Variants in CAV1 observed in about 807,000 individuals in gnomAD.
The protein encoded by CAV1 is caveolin-1.
In CAV1, 10 loss-of-function variants were observed where a neutral mutation model predicts 16.5. The ratio of observed to expected loss-of-function variants is 0.61; its 90% CI spans 0.37 to 1.03. The LOEUF is 1.03. CAV1 is among the 50% of genes least tolerant of loss of function. The probability of loss-of-function intolerance (pLI) is 0.01; values close to 1 mark genes in which losing one functional copy is unlikely to be tolerated. For synonymous variants in CAV1, 76 were observed against 85.1 expected, an observed-to-expected ratio of 0.89 and a Z score of 0.59; for missense variants, 212 against 232.8, an observed-to-expected ratio of 0.91 and a Z score of 0.58.
intron 2 of CAV1, among the ~76,000 whole-genome samples, chr7:116,548,225 C>T (rs74607231): frequency 0.013 from 1,904 of 152,208 alleles, 107 homozygotes; most frequent in Admixed American, 0.09. Context: ...ACAAGCATCC[C>T]CAGAAATTTC....
At chr7:116,538,750 T>C (rs1259050271) in intron 2 of CAV1, among the ~76,000 whole-genome samples, 1 of 152,182 alleles carries the variant, frequency 6.6e-6, no homozygotes, top group African/African-American at 2.4e-5. Flanking sequence ...TTGGGTGATG[T>C]ATTTAAAAAA....
rs1395649078 is a variant in CAV1, at chr7:116,537,035, C to T, written c.195+10346C>T. 8.2e-5 allele frequency among the ~76,000 whole-genome samples: 12 copies of T among 146,246 alleles called. No homozygotes were observed. In the East Asian group the frequency reaches 2.0e-3, roughly 24 times the overall value. On this transcript the variant is annotated intron_variant, in intron 2 of 2. Transcript: ENST00000341049. Reference sequence around the variant, plus strand: ...AAAAAAAAAAAAAAAAAAAAAAAGCCATTAAAAAGGGAGTCATGTCTCTTG... The same window carrying T: ...AAAAAAAAAAAAAAAAAAAAAAAGCTATTAAAAAGGGAGTCATGTCTCTTG...
At chr7:116,540,201 TCTCATAGA>T (rs1318060693) in intron 2 of CAV1, among the ~76,000 whole-genome samples, 1 of 152,200 alleles carries the variant, frequency 6.6e-6, no homozygotes. Flanking sequence ...AGAAGTGGTT[TCTCATAGA>T]TCTCAGATCT....
Position 116,559,546 on chromosome 7 carries a change from G to A in CAV1, c.*259G>A, listed in dbSNP as rs1276425318. ...TTTATTTGCATGTGGATCAACCATC[G>A]CTTTATTGGCTGAGATATGAACATA... On this transcript the variant is annotated 3_prime_UTR_variant, in exon 3 of 3. Coordinates refer to ENST00000341049, the MANE Select transcript of CAV1 (RefSeq NM_001753.5). The A allele has an allele frequency of 1.4e-5, 8 of 590,218 alleles. No individual in the cohort carries two copies. The highest frequency in any genetic ancestry group is 2.8e-5 in the East Asian group (1 of 35,930). 36.6% of individuals were successfully genotyped at this position (590,218 alleles called of 1,614,324 possible). A position where few individuals can be genotyped will look rare whatever the true frequency, so the allele number is the denominator to read the frequency against.
rs77475860 is a variant in CAV1, at chr7:116,545,375, G to A, written c.196-13571G>A. Among the ~76,000 whole-genome samples the A allele has an allele frequency of 1.9e-3, 283 of 152,308 alleles. 2 individuals carry two copies. Among genetic ancestry groups the A allele is most frequent in the East Asian group, 7.7e-3 (40 of 5,188 alleles). On this transcript the variant is annotated intron_variant, in intron 2 of 2. Coordinates refer to ENST00000341049, the MANE Select transcript of CAV1 (RefSeq NM_001753.5). ...CCCTGTTGTAGAGGTTGGGGACTGC[G>A]TCTTGACAGCCACATTATACAGTGT...
intron 2 of CAV1, among the ~76,000 whole-genome samples, chr7:116,543,620 GT>G (rs1221083678): frequency 6.6e-6 from 1 of 151,946 alleles, no homozygotes; most frequent in Admixed American, 6.6e-5. Flanking sequence ...GTTTTGTTTT[GT>G]TTTTTTGTTT....
At chr7:116,537,815 C>T (rs550642163) in intron 2 of CAV1, among the ~76,000 whole-genome samples, 2 of 152,210 alleles carry the variant, frequency 1.3e-5, no homozygotes, top group African/African-American at 2.4e-5. Context: ...AAACCCCAGG[C>T]TTCAAGGAAT....
At chr7:116,529,327 C>T (rs1057216323) in intron 2 of CAV1, among the ~76,000 whole-genome samples, 3 of 152,198 alleles carry the variant, frequency 2.0e-5, no homozygotes, top group African/African-American at 7.2e-5. Context: ...CCTGTAAAAG[C>T]TGCTCTGTCC....
At chr7:116,541,839 A>G (rs1266258424) in intron 2 of CAV1, among the ~76,000 whole-genome samples, 1 of 151,952 alleles carries the variant, frequency 6.6e-6, no homozygotes, top group Non-Finnish European at 1.5e-5. Flanking sequence ...ATGTGTCACC[A>G]GAGGTTATTT....
chr7:116,556,668 C>A (rs1794300469), intron 2 of CAV1, among the ~76,000 whole-genome samples: 1 of 152,172 alleles, frequency 6.6e-6, no homozygotes, highest in African/African-American at 2.4e-5. Context: ...GGCAGACCTG[C>A]TTCGGGTCTG....
At chr7:116,536,892 A>G (rs540545672) in intron 2 of CAV1, among the ~76,000 whole-genome samples, 1 of 151,014 alleles carries the variant, frequency 6.6e-6, no homozygotes, top group African/African-American at 2.4e-5. Flanking sequence ...AGTCCCAGCT[A>G]CTCGGGAGGC....
At chr7:116,544,717 C>T (rs1307945153) in intron 2 of CAV1, among the ~76,000 whole-genome samples, 1 of 152,164 alleles carries the variant, frequency 6.6e-6, no homozygotes, top group Non-Finnish European at 1.5e-5. Context: ...GGGAGAAATA[C>T]TCAAGATTCC....
At position 116,534,375 on chromosome 7, in the gene CAV1, ATATATATATATATATATATATTTT is replaced by A. The variant is rs1199666865; in HGVS notation, c.195+7688_195+7711del. 1.8e-3 allele frequency among the ~76,000 whole-genome samples: 24 copies of A among 13,714 alleles called. 1 individual carries two copies. Among genetic ancestry groups the A allele is most frequent in the African/African-American group, 4.4e-3 (24 of 5,494 alleles). The allele number at this position is 13,714 out of a possible 152,430, so 9.0% of individuals were successfully genotyped here. On this transcript the variant is annotated intron_variant, in intron 2 of 2. Transcript: ENST00000341049. The stretch of plus-strand genomic sequence containing the variant: ...GGGCCCACCTCAGATATATATATAT[ATATATATATATATATATATATTTT>A]TTTTTTTTTTTTTTTTTTGAGACGA...
chr7:116,554,172 G>A (rs189990732), intron 2 of CAV1, among the ~76,000 whole-genome samples: 1 of 152,276 alleles, frequency 6.6e-6, no homozygotes, highest in Non-Finnish European at 1.5e-5. Context: ...GATTGATGTG[G>A]ATCTCTGAAC....
chr7:116,546,697 C>CAAAAAAA (rs5886830), intron 2 of CAV1, among the ~76,000 whole-genome samples: 31 of 88,384 alleles, frequency 3.5e-4, no homozygotes, highest in African/African-American at 1.2e-3. Flanking sequence ...GACTCTGTCA[C>CAAAAAAA]AAAAAAAAAA....
In CAV1 at chr7:116,546,775, G is replaced by C. The variant is rs560822338; in HGVS notation, c.196-12171G>C. Among the ~76,000 whole-genome samples, 7 of 151,020 alleles carry C rather than the reference G, an allele frequency of 4.6e-5. No homozygotes were observed. In the South Asian group the frequency reaches 1.5e-3, roughly 32 times the overall value. On this transcript the variant is annotated intron_variant, in intron 2 of 2. Coordinates refer to ENST00000341049, the MANE Select transcript of CAV1 (RefSeq NM_001753.5). The stretch of plus-strand genomic sequence containing the variant: ...CAGAAATCCCAAATCCTATCCCTGA[G>C]GTTCATTTTGGTGAGGGAATGTGTG...
chr7:116,558,238 A>G (rs1057508908), intron 2 of CAV1, among the ~76,000 whole-genome samples: 2 of 152,176 alleles, frequency 1.3e-5, no homozygotes, highest in Non-Finnish European at 2.9e-5. Flanking sequence ...AAGGCAGTTA[A>G]ATTATGTCAT....
At chr7:116,545,365 T>C (rs184967745) in intron 2 of CAV1, among the ~76,000 whole-genome samples, 1 of 152,204 alleles carries the variant, frequency 6.6e-6, no homozygotes, top group Non-Finnish European at 1.5e-5. Flanking sequence ...TTGTAGAGGT[T>C]GGGGACTGCG....
Position 116,525,070 on chromosome 7 carries a change from G to A in CAV1, c.8G>A (p.Gly3Glu). Reference protein sequence around the residue: MSGGKYVDSEGHL... With the variant: MSEGKYVDSEGHL... ...ATCCAGCCACGGGCCAGCATGTCTGGGGGCAAATACGTAGACTCGGAGGTA... is the reference window on the plus strand; with the variant it reads ...ATCCAGCCACGGGCCAGCATGTCTGAGGGCAAATACGTAGACTCGGAGGTA... The change falls in exon 1 of 3, where the codon GGG (glycine) becomes GAG (glutamate). Residue 3 changes from glycine to glutamate, a missense_variant. Transcript: ENST00000341049. 1 of 1,614,244 alleles carries A rather than the reference G, an allele frequency of 6.2e-7. No homozygotes were observed. Among genetic ancestry groups the A allele is most frequent in the Non-Finnish European group, 8.5e-7 (1 of 1,180,036 alleles).
Sources: allele counts gnomAD v4.1 joint callset (sites outside exome capture counted in the v4.1 genomes callset), GRCh38; gene constraint gnomAD v4.1.1; transcripts MANE v1.5; gene names NCBI Gene and HGNC (gene_info 2026-07-23, HGNC 2026-07-21).